The following DNAH3 variants were observed in gnomAD, a reference collection of about 807,000 sequenced individuals.
DNAH3 encodes the protein axonemal beta dynein heavy chain 3.
Under a neutral mutation model 432.5 loss-of-function variants are expected in DNAH3, and 332 were observed. The ratio of observed to expected loss-of-function variants is 0.77; its 90% CI spans 0.70 to 0.84. The LOEUF is 0.84. DNAH3 is among the 40% of genes least tolerant of loss of function. The pLI is 0.00. For synonymous variants in DNAH3, 1,956 were observed against 1,900.2 expected (o/e 1.03, Z -0.76); for missense variants, 4,861 against 5,114.0 (o/e 0.95, Z 1.51).
intron 12 of DNAH3, among the ~76,000 whole-genome samples, chr16:21,115,662 A>C (rs1431183830): frequency 6.6e-6 from 1 of 151,830 alleles, no homozygotes; most frequent in East Asian, 1.9e-4. Context: ...AGCTGAGATC[A>C]TGCCACTATA....
At chr16:21,015,946 G>C (rs2087837448) in intron 41 of DNAH3, among the ~76,000 whole-genome samples, 1 of 152,032 alleles carries the variant, frequency 6.6e-6, no homozygotes, top group African/African-American at 2.4e-5. Flanking sequence ...CCACGACCAT[G>C]TCCAGCTAAT....
intron 8 of DNAH3, 127 bp downstream of exon 9, chr16:21,127,560 C>CAA: frequency 4.2e-4 from 396 of 947,874 alleles, no homozygotes; most frequent in Middle Eastern, 7.3e-4. Context: ...GACTCTGTCT[C>CAA]AAAAAAAAAA....
intron 48 of DNAH3, among the ~76,000 whole-genome samples, chr16:20,984,346 G>T (rs1255183082): frequency 6.6e-6 from 1 of 152,146 alleles, no homozygotes; most frequent in East Asian, 1.9e-4. Context: ...CTGGGTAAAA[G>T]GATGGCAGCT....
At chr16:21,151,321 GTTTT>G (rs10578754) in intron 1 of DNAH3, among the ~76,000 whole-genome samples, 2 of 128,394 alleles carry the variant, frequency 1.6e-5, no homozygotes, top group East Asian at 2.5e-4. Flanking sequence ...GTTTTTCCCC[GTTTT>G]TTTTTTTTTT....
intron 20 of DNAH3, among the ~76,000 whole-genome samples, chr16:21,081,161 C>T (rs986982054): frequency 6.6e-6 from 1 of 151,962 alleles, no homozygotes; most frequent in African/African-American, 2.4e-5. Flanking sequence ...TCAAGTGGTC[C>T]GCCTGCCTCG....
At position 21,140,656 on chromosome 16, in the gene DNAH3, C is replaced by T. The variant is rs780624019; in HGVS notation, c.576G>A (p.Lys192=). 25 of 1,614,020 alleles carry T rather than the reference C, an allele frequency of 1.5e-5. 1 individual carries two copies. The South Asian group carries it at 2.6e-4, about 17-fold the overall frequency. ...TGCTTCCTGGGAACGTCAAAGATGT[C>T]TTTACCTCCTTCTTCATGGGTGAGA... The change falls in exon 5 of 62, where the codon AAG becomes AAA. Residue 192 remains lysine (K), a synonymous_variant. Coordinates refer to ENST00000261383, the Ensembl canonical transcript of DNAH3.
intron 33 of DNAH3, among the ~76,000 whole-genome samples, chr16:21,039,269 A>G (rs553205709): frequency 7.8e-6 from 1 of 128,770 alleles, no homozygotes; most frequent in African/African-American, 3.1e-5. Context: ...CCCAGGCTGG[A>G]GTGCAGTGGT....
chr16:21,102,599 A>G (rs1328422460), intron 16 of DNAH3, among the ~76,000 whole-genome samples: 1 of 152,202 alleles, frequency 6.6e-6, no homozygotes, highest in African/African-American at 2.4e-5. Flanking sequence ...AGAGTCTCAA[A>G]AAGATGAGCC....
At chr16:21,028,214 A>G (rs1312087405) in intron 37 of DNAH3, among the ~76,000 whole-genome samples, 4 of 151,918 alleles carry the variant, frequency 2.6e-5, no homozygotes, top group Non-Finnish European at 4.4e-5. Context: ...ATATTTTTTA[A>G]AATTTTTTTT....
At chr16:21,153,771 A>G (rs549812324) in intron 1 of DNAH3, among the ~76,000 whole-genome samples, 2 of 152,210 alleles carry the variant, frequency 1.3e-5, no homozygotes, top group East Asian at 3.9e-4. Context: ...ACTCACCGCG[A>G]GGGCCCACGG....
At chr16:21,120,713 C>A in intron 11 of DNAH3, 1 of 1,528,548 alleles carries the variant, frequency 6.5e-7, no homozygotes, top group South Asian at 1.1e-5. Context: ...CATTGTAATT[C>A]ATCAAATGTA....
Position 20,959,276 on chromosome 16 carries a change from C to T in DNAH3, c.10729G>A (p.Val3577Ile), listed in dbSNP as rs779755293. The T allele has an allele frequency of 2.5e-6, 4 of 1,614,054 alleles. No homozygotes were observed. In the African/African-American group the frequency reaches 4.0e-5, roughly 16 times the overall value. The change falls in exon 54 of 62, where the codon GTC (valine) becomes ATC (isoleucine). Residue 3577 changes from valine (V) to isoleucine (I), a missense_variant. Transcript: ENST00000261383. ...GCGGCCAGGTGGCAGTTCTGTAAGA[C>T]CACCCAGGTCCCGTCTTTGATGGCA...
chr16:21,023,003 C>G (rs1219875360), intron 39 of DNAH3, among the ~76,000 whole-genome samples: 1 of 152,198 alleles, frequency 6.6e-6, no homozygotes, highest in Non-Finnish European at 1.5e-5. Context: ...CCACCTCAGC[C>G]TCCCAAAGTG....
intron 56 of DNAH3, among the ~76,000 whole-genome samples, chr16:20,948,960 A>G (rs910087470): frequency 7.2e-5 from 11 of 152,200 alleles, no homozygotes; most frequent in African/African-American, 2.6e-4. Context: ...CAGCCAGCAG[A>G]GAGAGAGAAG....
chr16:21,021,939 C>G (rs567125622), intron 40 of DNAH3, 32 bp downstream of exon 40: 3 of 1,611,646 alleles, frequency 1.9e-6, no homozygotes, highest in African/African-American at 1.3e-5. Context: ...ACCCACCCCC[C>G]ATGTGGCTTA....
At chr16:21,095,499 A>G (rs1369853287) in intron 18 of DNAH3, among the ~76,000 whole-genome samples, 2 of 152,220 alleles carry the variant, frequency 1.3e-5, no homozygotes, top group Non-Finnish European at 2.9e-5. Context: ...GGACAAAACT[A>G]TAGGAACAAT....
chr16:20,954,046 G>A lies in DNAH3; in HGVS notation c.11071+767C>T, dbSNP rs112752405. Reference sequence around the variant, plus strand: ...TCTAGACCAGCCTGGCCAACACGGTGAAACCCCATCTCTACTAAAAATACA... The same window carrying A: ...TCTAGACCAGCCTGGCCAACACGGTAAAACCCCATCTCTACTAAAAATACA... On this transcript the variant is annotated intron_variant, in intron 55 of 61. Transcript: ENST00000261383. Among the ~76,000 whole-genome samples the A allele has an allele frequency of 7.8e-3, 1,178 of 151,970 alleles. 17 individuals carry two copies. The highest frequency in any genetic ancestry group is 0.027 in the African/African-American group (1,137 of 41,482).
chr16:21,156,381 G>A (rs1460589667), intron 1 of DNAH3, among the ~76,000 whole-genome samples: 1 of 151,916 alleles, frequency 6.6e-6, no homozygotes, highest in African/African-American at 2.4e-5. Flanking sequence ...ACAGGCATGT[G>A]CCACTATGCC....
chr16:21,124,512 T>C (rs2092406243), intron 9 of DNAH3, among the ~76,000 whole-genome samples: 1 of 152,188 alleles, frequency 6.6e-6, no homozygotes, highest in African/African-American at 2.4e-5. Flanking sequence ...TTCTTAAGAT[T>C]TTATTTATGG....
Sources: allele counts gnomAD v4.1 joint callset (sites outside exome capture counted in the v4.1 genomes callset), GRCh38; gene constraint gnomAD v4.1.1; transcripts MANE v1.5; gene names NCBI Gene and HGNC (gene_info 2026-07-23, HGNC 2026-07-21).